The following IGF1R variants were observed in gnomAD, a reference collection of about 807,000 sequenced individuals.
The protein encoded by IGF1R is insulin-like growth factor 1 receptor.
IGF1R carries 44 observed loss-of-function variants against 144.6 expected under a neutral mutation model. That is an observed-to-expected ratio of 0.30 (90% CI 0.24 to 0.39). The LOEUF is 0.39. IGF1R is among the 10% of genes least tolerant of loss of function. The pLI is 1.00. For missense variants in IGF1R, 1,355 were observed against 1,833.7 expected, an observed-to-expected ratio of 0.74 and a Z score of 4.77; for synonymous variants, 795 against 722.8, an observed-to-expected ratio of 1.10 and a Z score of -1.60.
chr15:98,678,918 GCTCT>G (rs2053116747), intron 1 of IGF1R, among the ~76,000 whole-genome samples: 1 of 92,488 alleles, frequency 1.1e-5, no homozygotes, highest in Non-Finnish European at 2.1e-5. Context: ...TTCCTCTGAT[GCTCT>G]TTTTTTTTTT....
rs1240734806 is a variant in IGF1R, at chr15:98,771,885, C to G, written c.640+63778C>G. On this transcript the variant is annotated intron_variant, in intron 2 of 20. Transcript: ENST00000650285. ...TCAAGCTGAGTTTCCTTCCCTCCCT[C>G]CTTCCTTCTTCTCCACTGACATTTT... 1.3e-5 allele frequency among the ~76,000 whole-genome samples: 2 copies of G among 151,988 alleles called. 1 individual carries two copies. Among genetic ancestry groups the G allele is most frequent in the Non-Finnish European group, 2.9e-5 (2 of 68,026 alleles).
rs191060524 is a variant in IGF1R at position 98,738,678 on chromosome 15, A to C, written c.640+30571A>C. ...ATCTCATTTTCAGGTGAATTTCTCT[A>C]TTAAGGTTATAAAAGACCAAAATAA... On this transcript the variant is annotated intron_variant, in intron 2 of 20. Transcript: ENST00000650285. Among the ~76,000 whole-genome samples the C allele has an allele frequency of 7.9e-5, 12 of 152,284 alleles. No homozygotes were observed. In the East Asian group the frequency reaches 2.3e-3, roughly 29 times the overall value.
At position 98,952,594 on chromosome 15, in the gene IGF1R, C is replaced by T. The variant is rs574948698; in HGVS notation, c.3722+3886C>T. 4.6e-5 allele frequency among the ~76,000 whole-genome samples: 7 copies of T among 152,202 alleles called. No individual in the cohort carries two copies. The South Asian group carries it at 8.3e-4, about 18-fold the overall frequency. On this transcript the variant is annotated intron_variant, in intron 20 of 20. Transcript: ENST00000650285. ...GTGGTTTAGGGTGGGTGAGGGAGAG[C>T]GGTATTGTTCTGTGCTTTCTCTTTG...
At chr15:98,655,325 T>C (rs1394925292) in intron 1 of IGF1R, among the ~76,000 whole-genome samples, 7 of 152,266 alleles carry the variant, frequency 4.6e-5, no homozygotes, top group Non-Finnish European at 7.3e-5. Flanking sequence ...TTTTGGACTT[T>C]TGAAGACTAA....
At chr15:98,871,086 G>T (rs889555501) in intron 2 of IGF1R, among the ~76,000 whole-genome samples, 2 of 152,210 alleles carry the variant, frequency 1.3e-5, no homozygotes, top group African/African-American at 4.8e-5. Flanking sequence ...AACAGCCTGC[G>T]TATGTTCTTG....
At chr15:98,854,043 G>A (rs1386981909) in intron 2 of IGF1R, among the ~76,000 whole-genome samples, 3 of 152,220 alleles carry the variant, frequency 2.0e-5, no homozygotes, top group Non-Finnish European at 4.4e-5. Context: ...TGGAATTAAT[G>A]CATATCGTGG....
chr15:98,952,554 G>A (rs2016821118), intron 20 of IGF1R, among the ~76,000 whole-genome samples: 1 of 152,216 alleles, frequency 6.6e-6, no homozygotes, highest in Admixed American at 6.5e-5. Flanking sequence ...GAAAGCAGGT[G>A]TGAGTTCTGC....
intron 2 of IGF1R, among the ~76,000 whole-genome samples, chr15:98,784,795 G>C (rs2055950899): frequency 6.6e-6 from 1 of 152,066 alleles, no homozygotes; most frequent in African/African-American, 2.4e-5. Context: ...ATTTGTATTG[G>C]GTATTGTAAG....
Position 98,828,566 on chromosome 15 carries a change from C to T in IGF1R, c.641-62759C>T, listed in dbSNP as rs79091335. Among the ~76,000 whole-genome samples, 1,203 of 152,210 alleles carry T rather than the reference C, an allele frequency of 7.9e-3. 19 individuals are homozygous for T. Among genetic ancestry groups the T allele is most frequent in the African/African-American group, 0.028 (1,154 of 41,536 alleles). Reference sequence around the variant, plus strand: ...CATAGTCAGAATGTTTTCAGAGGAGCGCAGACTTTTCAAAACCCCTCTCAT... The same window carrying T: ...CATAGTCAGAATGTTTTCAGAGGAGTGCAGACTTTTCAAAACCCCTCTCAT... On this transcript the variant is annotated intron_variant, in intron 2 of 20. Transcript: ENST00000650285.
At chr15:98,920,998 C>T (rs2015461497) in intron 10 of IGF1R, among the ~76,000 whole-genome samples, 1 of 152,218 alleles carries the variant, frequency 6.6e-6, no homozygotes, top group Admixed American at 6.5e-5. Context: ...TCCCTCTCTG[C>T]TGCTGCTGCC....
intron 2 of IGF1R, among the ~76,000 whole-genome samples, chr15:98,771,659 G>A (rs1417479585): frequency 6.6e-6 from 1 of 152,016 alleles, no homozygotes. Context: ...TCTAGGCTTG[G>A]GTTTCCCCCT....
intron 18 of IGF1R, among the ~76,000 whole-genome samples, chr15:98,941,219 A>T (rs1229608013): frequency 6.6e-6 from 1 of 152,166 alleles, no homozygotes; most frequent in Non-Finnish European, 1.5e-5. Context: ...TATGAGAAGG[A>T]CTTGGTGCAG....
chr15:98,926,579 G>T (rs1332475398), intron 13 of IGF1R, among the ~76,000 whole-genome samples: 3 of 152,068 alleles, frequency 2.0e-5, no homozygotes, highest in African/African-American at 7.2e-5. Context: ...ATTTTTATTT[G>T]TATATTAAAA....
rs888444624 is a variant in IGF1R at position 98,960,375 on chromosome 15, A to G, written c.*2933A>G. The G allele has an allele frequency of 8.2e-5, 19 of 232,874 alleles. No homozygotes were observed. Among genetic ancestry groups the G allele is most frequent in the African/African-American group, 1.8e-4 (8 of 45,128 alleles). The allele number at this position is 232,874 out of a possible 1,614,324, so 14.4% of individuals were successfully genotyped here. ...CTAGCCAGGTGGCCCTGTGAGGCCA[A>G]CGAGGGCACCAGAGCACACCTGGGG... On this transcript the variant is annotated 3_prime_UTR_variant, in exon 21 of 21. Coordinates refer to ENST00000650285, the MANE Select transcript of IGF1R (RefSeq NM_000875.5).
chr15:98,826,142 A>G (rs1485849473), intron 2 of IGF1R, among the ~76,000 whole-genome samples: 1 of 152,304 alleles, frequency 6.6e-6, no homozygotes, highest in East Asian at 1.9e-4. Flanking sequence ...AATCAGGGGG[A>G]TTCCCAAATT....
At chr15:98,930,143 G>A in intron 14 of IGF1R, 92 bp from the exon 15 acceptor site, 1 of 872,236 alleles carries the variant, frequency 1.1e-6, no homozygotes, top group Admixed American at 1.9e-5. Flanking sequence ...GTGTGAGAGA[G>A]GATAAATGAA....
intron 1 of IGF1R, among the ~76,000 whole-genome samples, chr15:98,693,963 C>T (rs1028114926): frequency 1.6e-4 from 24 of 152,230 alleles, no homozygotes. Context: ...CAAGGCTGTA[C>T]TTGTGCTATC....
intron 17 of IGF1R, among the ~76,000 whole-genome samples, 173 bp from the exon 18 acceptor site, chr15:98,939,028 C>CAG (rs1185708236): frequency 1.3e-5 from 2 of 152,170 alleles, no homozygotes; most frequent in Non-Finnish European, 2.9e-5. Context: ...GGGGAGCAAG[C>CAG]AGGTGCCATG....
intron 1 of IGF1R, among the ~76,000 whole-genome samples, chr15:98,666,724 G>A (rs563338378): frequency 3.9e-5 from 6 of 152,162 alleles, no homozygotes; most frequent in Middle Eastern, 3.4e-3. Context: ...GGTGAGGGGC[G>A]GTGAATAGAG....
Sources: gnomAD v4.1 joint callset for allele counts (sites outside exome capture counted in the v4.1 genomes callset) on GRCh38, gnomAD v4.1.1 for gene constraint, MANE v1.5 for transcripts, NCBI Gene and HGNC (gene_info 2026-07-23, HGNC 2026-07-21) for gene names.